MALRD1: variants seen among roughly 807,000 people sequenced by gnomAD.
The protein encoded by MALRD1 is MAM and LDL receptor class A domain containing 1, also known as MAM and LDL-receptor class A domain-containing protein 1.
A neutral mutation model predicts 242.1 loss-of-function variants in MALRD1; 247 were observed. That is an observed-to-expected ratio of 1.02 (90% CI 0.92 to 1.13). MALRD1 has a LOEUF of 1.13. MALRD1 is among the 50% of genes most tolerant of loss of function. MALRD1 has a pLI of 0.00. For synonymous variants in MALRD1, 995 were observed against 866.6 expected, an observed-to-expected ratio of 1.15 and a Z score of -2.60; for missense variants, 2,989 against 2,533.1, an observed-to-expected ratio of 1.18 and a Z score of -3.86.
intron 32 of MALRD1, among the ~76,000 whole-genome samples, chr10:19,536,821 C>A (rs1339284373): frequency 6.6e-6 from 1 of 152,142 alleles, no homozygotes; most frequent in Non-Finnish European, 1.5e-5. Context: ...AAACAGATAA[C>A]TATGAGACCT....
chr10:19,646,371 A>T (rs1840656523), intron 36 of MALRD1, among the ~76,000 whole-genome samples: 1 of 152,174 alleles, frequency 6.6e-6, no homozygotes, highest in Admixed American at 6.5e-5. Flanking sequence ...CGGGAGGCCG[A>T]GGGGGGCAGA....
chr10:19,456,938 A>G (rs117302920), intron 29 of MALRD1, among the ~76,000 whole-genome samples: 6,715 of 151,934 alleles, frequency 0.044, 222 homozygotes, highest in Middle Eastern at 0.082. Flanking sequence ...ATGCCCAGCT[A>G]AAAAAACAAA....
chr10:19,712,859 A>G (rs972744916), intron 38 of MALRD1, among the ~76,000 whole-genome samples: 11 of 152,238 alleles, frequency 7.2e-5, no homozygotes, highest in Admixed American at 2.0e-4. Context: ...TGAATGAAAA[A>G]TAGAAGTCAA....
At chr10:19,373,203 C>CAAAAAAAAAAAAAAAAAAAAAA (rs374095193) in intron 26 of MALRD1, among the ~76,000 whole-genome samples, 51 of 114,842 alleles carry the variant, frequency 4.4e-4, no homozygotes, top group African/African-American at 8.9e-4. Flanking sequence ...ACGCTAAATA[C>CAAAAAAAAAAAAAAAAAAAAAA]AAAAAAAAAA....
At chr10:19,512,233 A>G (rs1181609374) in intron 31 of MALRD1, among the ~76,000 whole-genome samples, 1 of 152,082 alleles carries the variant, frequency 6.6e-6, no homozygotes, top group Non-Finnish European at 1.5e-5. Flanking sequence ...GTAAACATAT[A>G]CTCTGGCATA....
intron 19 of MALRD1, among the ~76,000 whole-genome samples, chr10:19,261,880 G>A (rs964519714): frequency 4.0e-5 from 6 of 151,576 alleles, no homozygotes; most frequent in Admixed American, 6.6e-5. Context: ...AAACTTCTTC[G>A]GTTGTAAATT....
chr10:19,603,342 C>A (rs912758255), intron 34 of MALRD1, among the ~76,000 whole-genome samples: 1 of 152,138 alleles, frequency 6.6e-6, no homozygotes, highest in South Asian at 2.1e-4. Context: ...ACATTTACGT[C>A]TTTAGTCCAT....
chr10:19,633,398 G>A (rs1027756143), intron 36 of MALRD1, among the ~76,000 whole-genome samples: 8 of 152,274 alleles, frequency 5.3e-5, no homozygotes, highest in Middle Eastern at 3.4e-3. Flanking sequence ...TCGTAGGAAC[G>A]TTTGTCAAGC....
intron 10 of MALRD1, among the ~76,000 whole-genome samples, chr10:19,145,764 G>C (rs1833707452): frequency 6.6e-6 from 1 of 151,466 alleles, no homozygotes; most frequent in Admixed American, 6.6e-5. Flanking sequence ...TGTTAGGATA[G>C]AATAATAAAA....
At chr10:19,106,341 T>C (rs1306345676) in intron 5 of MALRD1, among the ~76,000 whole-genome samples, 3 of 151,846 alleles carry the variant, frequency 2.0e-5, no homozygotes, top group Non-Finnish European at 4.4e-5. Flanking sequence ...TTGTTACTGA[T>C]TCTATCTGTT....
At chr10:19,410,232 C>T (rs72784333) in intron 28 of MALRD1, among the ~76,000 whole-genome samples, 18,174 of 152,028 alleles carry the variant, frequency 0.12, 1,282 homozygotes, top group East Asian at 0.24. Flanking sequence ...TTCATATTGC[C>T]TATATTATCC....
chr10:19,669,104 A>G (rs961839688), intron 36 of MALRD1, among the ~76,000 whole-genome samples: 3 of 152,236 alleles, frequency 2.0e-5, no homozygotes, highest in Admixed American at 6.5e-5. Context: ...GAATCACCGG[A>G]AGCTGGAAGA....
intron 12 of MALRD1, among the ~76,000 whole-genome samples, chr10:19,165,206 A>T (rs1834623022): frequency 7.4e-6 from 1 of 136,050 alleles, no homozygotes; most frequent in African/African-American, 2.9e-5. Context: ...AGAAAGGAGA[A>T]TTGAGAAGAT....
intron 28 of MALRD1, among the ~76,000 whole-genome samples, chr10:19,391,023 G>A (rs1335663165): frequency 6.6e-6 from 1 of 152,066 alleles, no homozygotes; most frequent in African/African-American, 2.4e-5. Context: ...ACTGTTCTCT[G>A]GGGTTTGCTT....
chr10:19,209,810 A>G, intron 18 of MALRD1, 130 bp downstream of exon 18: 3 of 907,988 alleles, frequency 3.3e-6, no homozygotes. Context: ...CACATTTATC[A>G]TTTATTTGAG....
At chr10:19,665,056 A>G (rs966541716) in intron 36 of MALRD1, among the ~76,000 whole-genome samples, 2 of 152,174 alleles carry the variant, frequency 1.3e-5, no homozygotes, top group East Asian at 3.9e-4. Flanking sequence ...TCTTAGGTTC[A>G]TTAACTAGGG....
chr10:19,353,651 A>G (rs1431492879), intron 26 of MALRD1, among the ~76,000 whole-genome samples: 1 of 152,324 alleles, frequency 6.6e-6, no homozygotes, highest in Middle Eastern at 3.4e-3. Context: ...CTGTAATGAA[A>G]GGGAAATATA....
chr10:19,573,150 T>C (rs1412904216), intron 33 of MALRD1, among the ~76,000 whole-genome samples: 2 of 152,208 alleles, frequency 1.3e-5, no homozygotes, highest in Non-Finnish European at 2.9e-5. Flanking sequence ...CCATGAGCTC[T>C]GGATTCTGTA....
intron 19 of MALRD1, among the ~76,000 whole-genome samples, chr10:19,275,847 A>G (rs1430581056): frequency 6.6e-6 from 1 of 152,120 alleles, no homozygotes. Context: ...TAAGATGATT[A>G]ATTGTAAATG....
Sources: gnomAD v4.1 joint callset for allele counts (sites outside exome capture counted in the v4.1 genomes callset) on GRCh38, gnomAD v4.1.1 for gene constraint, MANE v1.5 for transcripts, NCBI Gene and HGNC (gene_info 2026-07-23, HGNC 2026-07-21) for gene names.